AP3B1: variants seen among roughly 807,000 people sequenced by gnomAD.
The protein encoded by AP3B1 is AP-3 complex subunit beta-1.
In AP3B1, 61 loss-of-function variants were observed where a neutral mutation model predicts 132.5. That is an observed-to-expected ratio of 0.46 (90% CI 0.37 to 0.57). The LOEUF is 0.57. Ranked by LOEUF, AP3B1 falls within the 20% of genes least tolerant of loss-of-function variation. The pLI, the probability that AP3B1 is intolerant of heterozygous loss-of-function variation, is 0.00. For synonymous variants in AP3B1, 388 were observed against 438.3 expected (o/e 0.89, Z 1.43); for missense variants, 1,120 against 1,289.4 (o/e 0.87, Z 2.01).
intron 9 of AP3B1, 34 bp from the exon 10 acceptor site, chr5:78,175,872 T>C (rs1225625502): frequency 2.0e-6 from 3 of 1,509,268 alleles, no homozygotes; most frequent in South Asian, 2.3e-5. Context: ...ACTGGGTATA[T>C]GTTCCAATGA....
At chr5:78,116,821 C>CA (rs1419774182) in intron 17 of AP3B1, among the ~76,000 whole-genome samples, 1 of 152,102 alleles carries the variant, frequency 6.6e-6, no homozygotes, top group African/African-American at 2.4e-5. Flanking sequence ...ACTGCCCCTC[C>CA]ACCCTGCCCC....
At chr5:78,029,528 A>T (rs1747484039) in intron 24 of AP3B1, among the ~76,000 whole-genome samples, 1 of 151,914 alleles carries the variant, frequency 6.6e-6, no homozygotes, top group African/African-American at 2.4e-5. Context: ...GTAGGATTTA[A>T]TCTCTGACGT....
At chr5:78,059,127 A>C (rs1243482959) in intron 22 of AP3B1, among the ~76,000 whole-genome samples, 1 of 152,262 alleles carries the variant, frequency 6.6e-6, no homozygotes, top group Non-Finnish European at 1.5e-5. Flanking sequence ...GTAATCACAC[A>C]GATCCTGTAA....
At position 78,217,339 on chromosome 5, in the gene AP3B1, T is replaced by C. The variant is rs149344979; in HGVS notation, c.604-1102A>G. Among the ~76,000 whole-genome samples the C allele has an allele frequency of 3.0e-3, 464 of 152,218 alleles. 5 individuals are homozygous for C. Among genetic ancestry groups the C allele is most frequent in the African/African-American group, 0.011 (444 of 41,548 alleles). ...AGACTCGCTATTATGCTAAACAAGT[T>C]TCAAGTCCTGTGGGGATTTTATGAA... is the stretch of plus-strand genomic sequence containing the variant. On this transcript the variant is annotated intron_variant, in intron 6 of 26. Transcript: ENST00000255194.
intron 2 of AP3B1, among the ~76,000 whole-genome samples, chr5:78,242,358 C>T (rs1416730134): frequency 2.6e-5 from 4 of 152,124 alleles, no homozygotes; most frequent in Admixed American, 6.5e-5. Context: ...TCCCTTGCTA[C>T]AGCCATCTCC....
At chr5:78,125,332 C>T (rs1180090745) in intron 17 of AP3B1, among the ~76,000 whole-genome samples, 2 of 151,962 alleles carry the variant, frequency 1.3e-5, no homozygotes, top group Admixed American at 6.6e-5. Flanking sequence ...TGACTAGGTT[C>T]CCAGTCATTT....
intron 3 of AP3B1, among the ~76,000 whole-genome samples, chr5:78,229,570 T>TAAAAAAAAAAA (rs747124764): frequency 1.5e-4 from 14 of 92,924 alleles, no homozygotes; most frequent in African/African-American, 5.3e-4. Context: ...CCATTTCTAG[T>TAAAAAAAAAAA]AAAACAAAAA....
chr5:78,075,380 C>A (rs1342092864), intron 22 of AP3B1, among the ~76,000 whole-genome samples: 1 of 151,884 alleles, frequency 6.6e-6, no homozygotes, highest in Non-Finnish European at 1.5e-5. Flanking sequence ...TTGTTTTTTT[C>A]TTATTATTGT....
At chr5:78,011,138 G>A (rs1746608671) in intron 26 of AP3B1, among the ~76,000 whole-genome samples, 2 of 151,014 alleles carry the variant, frequency 1.3e-5, no homozygotes, top group South Asian at 4.2e-4. Context: ...TCCCTCCTGG[G>A]TTCAAGCAAT....
At chr5:78,209,829 C>A (rs1244524310) in intron 7 of AP3B1, among the ~76,000 whole-genome samples, 2 of 152,100 alleles carry the variant, frequency 1.3e-5, no homozygotes, top group Admixed American at 6.5e-5. Context: ...CATTTTCTTT[C>A]TTTTAAACCA....
At chr5:78,156,113 T>G (rs902725907) in intron 14 of AP3B1, 145 bp downstream of exon 14, 1 of 661,700 alleles carries the variant, frequency 1.5e-6, no homozygotes, top group Non-Finnish European at 2.7e-6. Context: ...TTCCCTCCTA[T>G]AACAGCAAGA....
chr5:78,155,341 A>G (rs1362712429), intron 14 of AP3B1, among the ~76,000 whole-genome samples: 3 of 152,132 alleles, frequency 2.0e-5, no homozygotes, highest in Non-Finnish European at 4.4e-5. Flanking sequence ...GCAATTCAAG[A>G]CTGTCTTTCC....
chr5:78,167,644 C>G (rs1370167439), intron 11 of AP3B1, among the ~76,000 whole-genome samples: 4 of 151,964 alleles, frequency 2.6e-5, no homozygotes, highest in Non-Finnish European at 5.9e-5. Context: ...CACACACACA[C>G]ACACACACAC....
intron 17 of AP3B1, among the ~76,000 whole-genome samples, chr5:78,121,441 C>A (rs1362736507): frequency 6.6e-6 from 1 of 152,074 alleles, no homozygotes; most frequent in South Asian, 2.1e-4. Context: ...AATTGATAGA[C>A]TGCTAGCAAG....
chr5:78,004,167 G>A (rs764847884), intron 26 of AP3B1, among the ~76,000 whole-genome samples: 1 of 152,042 alleles, frequency 6.6e-6, no homozygotes, highest in Non-Finnish European at 1.5e-5. Flanking sequence ...CTCAATTTGC[G>A]CAACATCTTC....
At chr5:78,247,975 A>G (rs184362053) in intron 2 of AP3B1, among the ~76,000 whole-genome samples, 11 of 152,234 alleles carry the variant, frequency 7.2e-5, no homozygotes, top group Admixed American at 6.5e-4. Flanking sequence ...CTTTCTGCCT[A>G]TATCTTTTTA....
chr5:78,083,255 G>A (rs537600128), intron 22 of AP3B1, among the ~76,000 whole-genome samples: 1 of 152,256 alleles, frequency 6.6e-6, no homozygotes, highest in African/African-American at 2.4e-5. Context: ...ATGAGTCAAG[G>A]TTTCATGTTG....
At chr5:78,240,989 T>A in intron 2 of AP3B1, 53 bp from the exon 3 acceptor site, 1 of 1,258,116 alleles carries the variant, frequency 7.9e-7, no homozygotes, top group Non-Finnish European at 1.2e-6. Flanking sequence ...TATTAAATAT[T>A]TAGAAGATTA....
chr5:78,234,590 G>A (rs1314750909), intron 3 of AP3B1, among the ~76,000 whole-genome samples: 2 of 152,144 alleles, frequency 1.3e-5, no homozygotes, highest in African/African-American at 4.8e-5. Context: ...ATTAACAACA[G>A]TTTCAATATA....
Sources: allele counts gnomAD v4.1 joint callset (sites outside exome capture counted in the v4.1 genomes callset), GRCh38; gene constraint gnomAD v4.1.1; transcripts MANE v1.5; gene names NCBI Gene and HGNC (gene_info 2026-07-23, HGNC 2026-07-21).